The following ALK variants were observed in gnomAD, a reference collection of about 807,000 sequenced individuals.
The protein encoded by ALK is ALK receptor tyrosine kinase.
In ALK, 74 loss-of-function variants were observed where a neutral mutation model predicts 163.1. The observed-to-expected ratio is 0.45, with a 90% CI of 0.38 to 0.55. The LOEUF (loss-of-function observed/expected upper bound fraction) is 0.55. Ranked by LOEUF, ALK falls within the 20% of genes least tolerant of loss-of-function variation. The pLI, the probability that ALK is intolerant of heterozygous loss-of-function variation, is 0.00. For missense variants in ALK, 2,063 were observed against 2,105.3 expected, an observed-to-expected ratio of 0.98 and a Z score of 0.39; for synonymous variants, 960 against 843.2, an observed-to-expected ratio of 1.14 and a Z score of -2.40.
Position 29,380,056 on chromosome 2 carries a change from C to A in ALK, c.1282+3676G>T, listed in dbSNP as rs1353342706. ...AAGGCAAAAGGGAAGCAGGCACATC[C>A]TACACGGCTAAAGCAGGAGGAAAAG... On this transcript the variant is annotated intron_variant, in intron 5 of 28. Coordinates refer to ENST00000389048, the MANE Select transcript of ALK (RefSeq NM_004304.5). 2.0e-5 allele frequency among the ~76,000 whole-genome samples: 3 copies of A among 151,728 alleles called. No individual in the cohort carries two copies. In the East Asian group the frequency reaches 5.8e-4, roughly 29 times the overall value.
At chr2:29,433,166 CCT>C (rs1670320861) in intron 4 of ALK, among the ~76,000 whole-genome samples, 1 of 152,180 alleles carries the variant, frequency 6.6e-6, no homozygotes, top group Non-Finnish European at 1.5e-5. Flanking sequence ...CAGGATGCCC[CCT>C]GTGAATACTC....
chr2:29,247,451 A>C (rs1407432945), intron 12 of ALK, among the ~76,000 whole-genome samples: 1 of 152,214 alleles, frequency 6.6e-6, no homozygotes, highest in Non-Finnish European at 1.5e-5. Flanking sequence ...CAGGGCAGGG[A>C]AGGCAGGACA....
intron 3 of ALK, among the ~76,000 whole-genome samples, chr2:29,535,674 C>A (rs961017717): frequency 6.6e-6 from 1 of 152,160 alleles, no homozygotes; most frequent in African/African-American, 2.4e-5. Context: ...AACCTGGAAT[C>A]AGAAGGACTA....
At chr2:29,410,504 G>T (rs1026546731) in intron 4 of ALK, among the ~76,000 whole-genome samples, 65 of 152,308 alleles carry the variant, frequency 4.3e-4, no homozygotes, top group African/African-American at 1.5e-3. Context: ...TATGTCATCA[G>T]GACTTCCTGA....
At chr2:29,778,014 G>T (rs574641596) in intron 1 of ALK, among the ~76,000 whole-genome samples, 1 of 152,186 alleles carries the variant, frequency 6.6e-6, no homozygotes, top group South Asian at 2.1e-4. Flanking sequence ...GTAGCAGGGG[G>T]ACACCTCAGC....
At chr2:29,696,362 C>T (rs1204613311) in intron 2 of ALK, among the ~76,000 whole-genome samples, 1 of 151,782 alleles carries the variant, frequency 6.6e-6, no homozygotes, top group African/African-American at 2.4e-5. Context: ...GGGAGAGAAA[C>T]ATTACACACC....
chr2:29,638,349 T>C (rs540940849), intron 3 of ALK, among the ~76,000 whole-genome samples: 4 of 152,338 alleles, frequency 2.6e-5, no homozygotes, highest in East Asian at 3.9e-4. Flanking sequence ...TTGACTAGTA[T>C]ACACCTTCCA....
At chr2:29,314,067 G>A (rs746896175) in intron 8 of ALK, among the ~76,000 whole-genome samples, 3 of 152,138 alleles carry the variant, frequency 2.0e-5, no homozygotes, top group Non-Finnish European at 4.4e-5. Flanking sequence ...CCCTGCTTCT[G>A]CGTCACACTG....
chr2:29,357,662 T>C (rs906761052), intron 5 of ALK, among the ~76,000 whole-genome samples: 1 of 152,158 alleles, frequency 6.6e-6, no homozygotes, highest in African/African-American at 2.4e-5. Context: ...CATTGGAATA[T>C]TCCTGGTCTC....
intron 2 of ALK, among the ~76,000 whole-genome samples, chr2:29,697,368 C>T (rs918187901): frequency 1.3e-5 from 2 of 152,116 alleles, no homozygotes; most frequent in Non-Finnish European, 2.9e-5. Context: ...GCAGGAAGGG[C>T]CCATGCCCTG....
intron 3 of ALK, among the ~76,000 whole-genome samples, chr2:29,618,441 G>C (rs1427601375): frequency 1.3e-5 from 2 of 151,348 alleles, no homozygotes; most frequent in Non-Finnish European, 2.9e-5. Flanking sequence ...ATTAAGGTGA[G>C]TGGGCAGGAG....
chr2:29,333,502 T>C (rs558535859), intron 5 of ALK, among the ~76,000 whole-genome samples: 5 of 152,360 alleles, frequency 3.3e-5, no homozygotes, highest in African/African-American at 1.2e-4. Flanking sequence ...CTTCCTGTTT[T>C]CATACTGAGT....
intron 9 of ALK, among the ~76,000 whole-genome samples, chr2:29,275,888 G>T (rs1009572290): frequency 2.0e-5 from 3 of 152,186 alleles, no homozygotes; most frequent in Non-Finnish European, 4.4e-5. Context: ...AAGGCACTGA[G>T]TTGGGGAAAA....
chr2:29,273,963 G>A (rs566356720), intron 11 of ALK, among the ~76,000 whole-genome samples: 20 of 152,276 alleles, frequency 1.3e-4, no homozygotes, highest in African/African-American at 4.6e-4. Flanking sequence ...CAGTTTTGTA[G>A]GACGGGCTCC....
At chr2:29,592,134 CA>C (rs1558399455) in intron 3 of ALK, among the ~76,000 whole-genome samples, 2 of 152,096 alleles carry the variant, frequency 1.3e-5, no homozygotes, top group East Asian at 3.9e-4. Flanking sequence ...CCTGAGTCGC[CA>C]GCAGCTGATG....
At position 29,777,773 on chromosome 2, in the gene ALK, T is replaced by C. The variant is rs140942015; in HGVS notation, c.668-60076A>G. On this transcript the variant is annotated intron_variant, in intron 1 of 28. Coordinates refer to ENST00000389048, the MANE Select transcript of ALK (RefSeq NM_004304.5). ...TATGTTCTGCCAAGCTCCAAGATGA[T>C]GCTATTTCTGGTCCTCAGGCCACAC... Among the ~76,000 whole-genome samples, 5 of 152,310 alleles carry C rather than the reference T, an allele frequency of 3.3e-5. No individual in the cohort carries two copies. In the East Asian group the frequency reaches 7.7e-4, roughly 23 times the overall value.
chr2:29,421,140 C>T (rs79520873), intron 4 of ALK, among the ~76,000 whole-genome samples: 14,924 of 151,444 alleles, frequency 0.099, 980 homozygotes, highest in Non-Finnish European at 0.13. Flanking sequence ...TCTAAGACAA[C>T]GGACATCCTC....
At chr2:29,640,913 G>C (rs1013441431) in intron 3 of ALK, among the ~76,000 whole-genome samples, 1 of 152,142 alleles carries the variant, frequency 6.6e-6, no homozygotes, top group Admixed American at 6.5e-5. Flanking sequence ...AAACAGCTAG[G>C]GAAAGAGTAT....
intron 4 of ALK, among the ~76,000 whole-genome samples, chr2:29,497,446 G>A (rs998631922): frequency 6.6e-6 from 1 of 152,012 alleles, no homozygotes; most frequent in Non-Finnish European, 1.5e-5. Flanking sequence ...ACAGAACCTT[G>A]GTCTAGGTCA....
Sources: allele counts gnomAD v4.1 joint callset (sites outside exome capture counted in the v4.1 genomes callset), GRCh38; gene constraint gnomAD v4.1.1; transcripts MANE v1.5; gene names NCBI Gene and HGNC (gene_info 2026-07-23, HGNC 2026-07-21).